Variants in ALDH7A1 observed in about 807,000 individuals in gnomAD.
The protein encoded by ALDH7A1 is aldehyde dehydrogenase 7 family member A1.
ALDH7A1 carries 63 observed loss-of-function variants against 79.9 expected under a neutral mutation model. That is an observed-to-expected ratio of 0.79 (90% CI 0.64 to 0.97). ALDH7A1 has a LOEUF of 0.97. ALDH7A1 is among the 50% of genes least tolerant of loss of function. The pLI is 0.00. For synonymous variants in ALDH7A1, 240 were observed against 231.2 expected, an observed-to-expected ratio of 1.04 and a Z score of -0.34; for missense variants, 627 against 665.2, an observed-to-expected ratio of 0.94 and a Z score of 0.63.
At chr5:126,576,091 C>A (rs1750954695) in intron 6 of ALDH7A1, among the ~76,000 whole-genome samples, 1 of 151,976 alleles carries the variant, frequency 6.6e-6, no homozygotes, top group South Asian at 2.1e-4. Flanking sequence ...GAAACCCCTT[C>A]TCTACTAAAA....
At chr5:126,589,445 C>T (rs906606008) in intron 3 of ALDH7A1, among the ~76,000 whole-genome samples, 2 of 152,036 alleles carry the variant, frequency 1.3e-5, no homozygotes, top group East Asian at 2.0e-4. Context: ...CGTGAGCCAT[C>T]GTGCCTGGTC....
At chr5:126,557,816 A>G (rs1750251786) in intron 11 of ALDH7A1, among the ~76,000 whole-genome samples, 1 of 152,136 alleles carries the variant, frequency 6.6e-6, no homozygotes, top group African/African-American at 2.4e-5. Context: ...CAAGTCCAAC[A>G]GAGCTTAAAA....
At chr5:126,590,264 T>G (rs1217688305) in intron 3 of ALDH7A1, among the ~76,000 whole-genome samples, 1 of 152,254 alleles carries the variant, frequency 6.6e-6, no homozygotes, top group Non-Finnish European at 1.5e-5. Flanking sequence ...GAGGAGCCCC[T>G]CTGCCTGGCC....
In ALDH7A1 at chr5:126,546,463, T is replaced by G. The variant is rs568874615; in HGVS notation, c.1490-64A>C. ...TTTCCATGTGGGCTCATAGTTGGTA[T>G]CAATGAAAAGAAGATACCAAAAGGA... On this transcript the variant is annotated intron_variant, in intron 16 of 17. Transcript: ENST00000409134. 5 of 1,490,492 alleles carry G rather than the reference T, an allele frequency of 3.4e-6. No individual in the cohort carries two copies. In the South Asian group the frequency reaches 5.7e-5, roughly 17 times the overall value. The allele number at this position is 1,490,492 out of a possible 1,614,324, so 92.3% of individuals were successfully genotyped here. A position where few individuals can be genotyped will look rare whatever the true frequency, so the allele number is the denominator to read the frequency against.
chr5:126,582,404 A>G (rs1327620464), intron 5 of ALDH7A1, among the ~76,000 whole-genome samples: 2 of 152,354 alleles, frequency 1.3e-5, no homozygotes, highest in South Asian at 4.1e-4. Context: ...TTTTTAGTAC[A>G]TGCTAATAGT....
chr5:126,581,471 C>CA (rs542618783), intron 5 of ALDH7A1: 7,517 of 135,684 alleles, frequency 0.055, 606 homozygotes, highest in African/African-American at 0.19. Flanking sequence ...CCCACCTCTA[C>CA]AAAAAAAAAA....
In ALDH7A1 at chr5:126,595,024, A is replaced by T; in HGVS notation, c.175T>A (p.Trp59Arg). 6.2e-7 allele frequency: 1 copy of T among 1,606,392 alleles called. No homozygotes were observed. Among genetic ancestry groups the T allele is most frequent in the Non-Finnish European group, 8.5e-7 (1 of 1,177,220 alleles). The change falls in exon 1 of 18, where the codon TGG becomes AGG. Residue 59 changes from tryptophan (W) to arginine (R), a missense_variant. By Grantham distance (101) the Trp-to-Arg change is moderately radical. Transcript: ENST00000409134. ...CCGCGTACCTCTCCCCGGCCTCCCC[A>T]GCTTCCATTATACACGCCCTCGTTT... ...EENEGVYNGS[W>R]GGRGEVITTY...
At chr5:126,568,165 T>G in intron 9 of ALDH7A1, 94 bp downstream of exon 9, 1 of 1,184,606 alleles carries the variant, frequency 8.4e-7, no homozygotes, top group Non-Finnish European at 1.3e-6. Flanking sequence ...ACTGCCTCCA[T>G]GGAAAAGGTT....
chr5:126,561,041 A>G, intron 10 of ALDH7A1, 42 bp downstream of exon 10: 1 of 1,609,174 alleles, frequency 6.2e-7, no homozygotes, highest in Non-Finnish European at 8.5e-7. Flanking sequence ...GCGACTGTGG[A>G]AACTGAACAG....
chr5:126,550,188 A>G lies in ALDH7A1; in HGVS notation c.1415+8T>C, dbSNP rs1182943543. 3.1e-6 allele frequency: 5 copies of G among 1,611,388 alleles called. No homozygotes were observed. Among genetic ancestry groups the G allele is most frequent in the Non-Finnish European group, 4.2e-6 (5 of 1,178,964 alleles). ...TTATATAAATTTTCAAAATAGACAA[A>G]GTTGTACCCAAGCCAGCGAAAGATT... On this transcript the variant is annotated splice_region_variant and intron_variant, in intron 15 of 17. Transcript: ENST00000409134.
At chr5:126,551,653 T>C (rs1029384199) in intron 14 of ALDH7A1, among the ~76,000 whole-genome samples, 1 of 152,024 alleles carries the variant, frequency 6.6e-6, no homozygotes, top group African/African-American at 2.4e-5. Context: ...CCCCCACATG[T>C]TCTCATTTTG....
Position 126,582,936 on chromosome 5 carries a change from C to T in ALDH7A1, c.432G>A (p.Val144=), listed in dbSNP as rs768899130. 8 of 1,613,782 alleles carry T rather than the reference C, an allele frequency of 5.0e-6. No homozygotes were observed. Among genetic ancestry groups the T allele is most frequent in the Non-Finnish European group, 5.9e-6 (7 of 1,179,962 alleles). ...LEMGKILVEG[V]GEVQEYVDIC... is the part of the protein sequence containing the mutation. ...TATCCACATACTCCTGAACTTCACCCACACCTTCCACTAAGATTTTCCCCA... is the reference window on the plus strand; with the variant it reads ...TATCCACATACTCCTGAACTTCACCTACACCTTCCACTAAGATTTTCCCCA... The change falls in exon 5 of 18, where the codon GTG becomes GTA. Residue 144 remains valine, a synonymous_variant. Transcript: ENST00000409134.
rs951402820 is a variant in ALDH7A1 at position 126,563,518 on chromosome 5, C to T, written c.872-2394G>A. Reference sequence around the variant, plus strand: ...GCCATTCTTTTTTTTCAGTCAGAGTCTTGCTCTGTTGCCCAGGCTGGAGTG... The same window carrying T: ...GCCATTCTTTTTTTTCAGTCAGAGTTTTGCTCTGTTGCCCAGGCTGGAGTG... On this transcript the variant is annotated intron_variant, in intron 9 of 17. Coordinates refer to ENST00000409134, the MANE Select transcript of ALDH7A1 (RefSeq NM_001182.5). Among the ~76,000 whole-genome samples the T allele has an allele frequency of 2.4e-4, 37 of 152,270 alleles. 1 individual carries two copies. The highest frequency in any genetic ancestry group is 6.8e-3 in the Middle Eastern group (2 of 294).
chr5:126,546,004 T>C (rs1466401691), intron 17 of ALDH7A1, among the ~76,000 whole-genome samples: 2 of 151,688 alleles, frequency 1.3e-5, no homozygotes, highest in Non-Finnish European at 2.9e-5. Context: ...TCTCAGCACT[T>C]TGGGAGGCCA....
rs752686553 is a variant in ALDH7A1 at position 126,550,016 on chromosome 5, G to A, written c.1416-14C>T. On this transcript the variant is annotated splice_polypyrimidine_tract_variant and intron_variant, in intron 15 of 17. Coordinates refer to ENST00000409134, the MANE Select transcript of ALDH7A1 (RefSeq NM_001182.5). The stretch of plus-strand genomic sequence containing the variant: ...GATCCTTTAGGTCTGTGTAAAAAGG[G>A]AGGCATGGTGAGAGCAATGAACAGG... The A allele has an allele frequency of 5.6e-6, 9 of 1,611,592 alleles. No individual in the cohort carries two copies. The African/African-American group carries it at 9.4e-5, about 17-fold the overall frequency.
At chr5:126,586,646 A>C (rs2112807930) in intron 3 of ALDH7A1, 1 of 152,380 alleles carries the variant, frequency 6.6e-6, no homozygotes, top group African/African-American at 2.4e-5. Flanking sequence ...AGCAACCTGA[A>C]GTAGGCTTTT....
At position 126,583,631 on chromosome 5, in the gene ALDH7A1, G is replaced by A. The variant is rs192309763; in HGVS notation, c.393+301C>T. On this transcript the variant is annotated intron_variant, in intron 4 of 17. Coordinates refer to ENST00000409134, the MANE Select transcript of ALDH7A1 (RefSeq NM_001182.5). ...CAGGCAGGATCACCTGAGGTTAGGA[G>A]TTCAAGACCAGCCTGGCCAACATGA... Among the ~76,000 whole-genome samples the A allele has an allele frequency of 1.3e-4, 20 of 152,010 alleles. No homozygotes were observed. The East Asian group carries it at 3.9e-3, about 29-fold the overall frequency.
At chr5:126,569,369 C>T (rs935860079) in intron 8 of ALDH7A1, 11 of 152,220 alleles carry the variant, frequency 7.2e-5, no homozygotes, top group African/African-American at 2.7e-4. Context: ...TGGAAGCCTA[C>T]TTATAAAGGC....
intron 9 of ALDH7A1, chr5:126,564,551 G>A: frequency 8.0e-7 from 1 of 1,248,274 alleles, no homozygotes; most frequent in Non-Finnish European, 1.0e-6. Flanking sequence ...GATATCAGGA[G>A]CATATGTGAC....
Sources: gnomAD v4.1 joint callset for allele counts (sites outside exome capture counted in the v4.1 genomes callset) on GRCh38, gnomAD v4.1.1 for gene constraint, MANE v1.5 for transcripts, NCBI Gene and HGNC (gene_info 2026-07-23, HGNC 2026-07-21) for gene names.